Variants in PHF14 observed in about 807,000 individuals in gnomAD.
The protein encoded by PHF14 is PHD finger protein 14.
In PHF14, 55 loss-of-function variants were observed where a neutral mutation model predicts 117.9. That is an observed-to-expected ratio of 0.47 (90% confidence interval 0.38 to 0.58). The LOEUF is 0.58. Among genes scored for constraint, PHF14 ranks in the 20% least tolerant of loss-of-function variants. The probability of loss-of-function intolerance (pLI) is 0.00; values close to 1 mark genes in which losing one functional copy is unlikely to be tolerated. For synonymous variants in PHF14, 409 were observed against 368.6 expected (o/e 1.11, Z -1.26); for missense variants, 978 against 1,122.2 (o/e 0.87, Z 1.84).
At chr7:11,103,766 T>C (rs1787169614) in intron 16 of PHF14, 29 of 984,956 alleles carry the variant, frequency 2.9e-5, no homozygotes, top group Non-Finnish European at 3.4e-5. Flanking sequence ...TCTAGTGATC[T>C]CTAGTTACAG....
intron 10 of PHF14, among the ~76,000 whole-genome samples, chr7:11,038,203 A>G (rs925266501): frequency 6.6e-6 from 1 of 152,060 alleles, no homozygotes; most frequent in Admixed American, 6.6e-5. Flanking sequence ...CACGAGGTCA[A>G]GAGATCGAGA....
At chr7:11,064,446 C>T (rs1364119371) in intron 16 of PHF14, among the ~76,000 whole-genome samples, 4 of 151,910 alleles carry the variant, frequency 2.6e-5, no homozygotes, top group South Asian at 4.1e-4. Flanking sequence ...CTCAGACATA[C>T]GTGTATGTCT....
intron 14 of PHF14, among the ~76,000 whole-genome samples, chr7:11,056,705 G>A (rs1415236490): frequency 6.7e-6 from 1 of 149,954 alleles, no homozygotes; most frequent in African/African-American, 2.4e-5. Context: ...ATATTTTTAG[G>A]AATTATGTAT....
chr7:11,020,465 G>A lies in PHF14; in HGVS notation c.1206-2403G>A, dbSNP rs1035234436. ...TGATCTTGGCTCATTGTAAACCCCC[G>A]CCTCCTAGGCTCAAGCAGTCCTCCT... On this transcript the variant is annotated intron_variant, in intron 5 of 17. Transcript: ENST00000634607. Among the ~76,000 whole-genome samples, 14 of 151,894 alleles carry A rather than the reference G, an allele frequency of 9.2e-5. No individual in the cohort carries two copies. The East Asian group carries it at 1.4e-3, about 15-fold the overall frequency.
intron 17 of PHF14, among the ~76,000 whole-genome samples, chr7:11,145,486 A>C (rs940358876): frequency 6.6e-6 from 1 of 152,128 alleles, no homozygotes; most frequent in Non-Finnish European, 1.5e-5. Context: ...CAGTTACTTC[A>C]CTATAAGCAG....
chr7:11,166,097 A>G (rs1171088681), intron 17 of PHF14, among the ~76,000 whole-genome samples: 1 of 152,222 alleles, frequency 6.6e-6, no homozygotes, highest in African/African-American at 2.4e-5. Flanking sequence ...CAGATCTGCA[A>G]AGTTGTTATA....
intron 17 of PHF14, among the ~76,000 whole-genome samples, chr7:11,141,401 G>GT (rs1233133351): frequency 6.6e-6 from 1 of 152,008 alleles, no homozygotes; most frequent in African/African-American, 2.4e-5. Context: ...TCTTTCCCCT[G>GT]TATAGTATAG....
chr7:11,049,381 A>G (rs1258913517), intron 13 of PHF14, among the ~76,000 whole-genome samples: 1 of 151,746 alleles, frequency 6.6e-6, no homozygotes, highest in Non-Finnish European at 1.5e-5. Flanking sequence ...AAGCTGAGGC[A>G]GGAGAATCGC....
chr7:11,000,113 G>C (rs17163894), intron 4 of PHF14, among the ~76,000 whole-genome samples: 1 of 152,046 alleles, frequency 6.6e-6, no homozygotes, highest in South Asian at 2.1e-4. Flanking sequence ...TTTGAATTCT[G>C]TGAACTTTAT....
chr7:11,104,993 T>C, intron 16 of PHF14: 1 of 905,938 alleles, frequency 1.1e-6, no homozygotes, highest in Non-Finnish European at 1.3e-6. Flanking sequence ...TAATTTCATC[T>C]GCAACACATA....
At chr7:11,046,401 A>T (rs1784665137) in intron 13 of PHF14, among the ~76,000 whole-genome samples, 1 of 152,192 alleles carries the variant, frequency 6.6e-6, no homozygotes, top group Non-Finnish European at 1.5e-5. Context: ...ACATTATTTA[A>T]CAGAGAATTG....
intron 4 of PHF14, among the ~76,000 whole-genome samples, chr7:10,992,028 A>G (rs953309253): frequency 6.6e-6 from 1 of 151,674 alleles, no homozygotes; most frequent in African/African-American, 2.4e-5. Context: ...TTTATATTCT[A>G]TCAATTTTTT....
At chr7:11,164,096 A>C (rs1427861388) in intron 17 of PHF14, among the ~76,000 whole-genome samples, 1 of 152,244 alleles carries the variant, frequency 6.6e-6, no homozygotes, top group African/African-American at 2.4e-5. Flanking sequence ...TCTAAAGAAA[A>C]TATCATAAGA....
At chr7:11,122,365 A>ACACACACACACACC in intron 17 of PHF14, among the ~76,000 whole-genome samples, 1 of 122,744 alleles carries the variant, frequency 8.1e-6, no homozygotes, top group Non-Finnish European at 1.7e-5. Context: ...ACACACACAC[A>ACACACACACACACC]CACACACACA....
At chr7:10,990,553 A>C in intron 3 of PHF14, 150 bp from the exon 4 acceptor site, 1 of 557,624 alleles carries the variant, frequency 1.8e-6, no homozygotes, top group South Asian at 2.6e-5. Context: ...CTCAAATATA[A>C]TGTACTTTGA....
chr7:11,013,305 G>A (rs1783416886), intron 4 of PHF14, among the ~76,000 whole-genome samples: 1 of 152,004 alleles, frequency 6.6e-6, no homozygotes, highest in African/African-American at 2.4e-5. Flanking sequence ...GGGATTCTGG[G>A]CGCCTGCCAC....
At position 11,061,922 on chromosome 7, in the gene PHF14, T is replaced by C. The variant is rs1451557519; in HGVS notation, c.2533-42T>C. On this transcript the variant is annotated intron_variant, in intron 15 of 17. Transcript: ENST00000634607. ...TAAAATTGTTTCCCTCATATCCTTA[T>C]TTTGTTTGTTATGTTTTATTTTATT... 5 of 1,542,488 alleles carry C rather than the reference T, an allele frequency of 3.2e-6. No individual in the cohort carries two copies. The African/African-American group carries it at 5.5e-5, about 17-fold the overall frequency.
At chr7:11,049,117 C>T (rs553451012) in intron 13 of PHF14, among the ~76,000 whole-genome samples, 1 of 152,142 alleles carries the variant, frequency 6.6e-6, no homozygotes, top group South Asian at 2.1e-4. Flanking sequence ...TGCTTCTATA[C>T]CTAGGGGATT....
At chr7:11,089,654 T>TA (rs1786563036) in intron 16 of PHF14, among the ~76,000 whole-genome samples, 2 of 152,194 alleles carry the variant, frequency 1.3e-5, no homozygotes, top group African/African-American at 4.8e-5. Flanking sequence ...AGCAAAGTAT[T>TA]ATGAGTAGAA....
Sources: allele counts gnomAD v4.1 joint callset (sites outside exome capture counted in the v4.1 genomes callset), GRCh38; gene constraint gnomAD v4.1.1; transcripts MANE v1.5; gene names NCBI Gene and HGNC (gene_info 2026-07-23, HGNC 2026-07-21).